F13A1: variants seen among roughly 807,000 people sequenced by gnomAD.
F13A1 encodes the protein coagulation factor XIII A chain.
A neutral mutation model predicts 80.1 loss-of-function variants in F13A1; 47 were observed. The ratio of observed to expected loss-of-function variants is 0.59; its 90% CI spans 0.46 to 0.75. The LOEUF (loss-of-function observed/expected upper bound fraction) is 0.75, where lower values mean the gene tolerates loss of function less well. F13A1 is among the 30% of genes least tolerant of loss of function. F13A1 has a pLI of 0.00. For synonymous variants in F13A1, 349 were observed against 344.9 expected, an observed-to-expected ratio of 1.01 and a Z score of -0.13; for missense variants, 817 against 930.4, an observed-to-expected ratio of 0.88 and a Z score of 1.59.
intron 13 of F13A1, among the ~76,000 whole-genome samples, chr6:6,165,766 C>T (rs1035162950): frequency 1.3e-5 from 2 of 152,226 alleles, no homozygotes; most frequent in African/African-American, 4.8e-5. Context: ...ATGATGGTAC[C>T]TCTGCAGCAA....
intron 10 of F13A1, among the ~76,000 whole-genome samples, chr6:6,188,844 A>T (rs1395483656): frequency 1.4e-5 from 1 of 70,922 alleles, no homozygotes; most frequent in Non-Finnish European, 2.4e-5. Flanking sequence ...CCCATTATTA[A>T]TGTGTGGGAA....
intron 6 of F13A1, among the ~76,000 whole-genome samples, chr6:6,241,586 T>C (rs1245588190): frequency 6.6e-6 from 1 of 152,196 alleles, no homozygotes; most frequent in African/African-American, 2.4e-5. Context: ...CCAAGGACAA[T>C]GCCCATTGAG....
chr6:6,295,253 T>C (rs1469929053), intron 3 of F13A1, among the ~76,000 whole-genome samples: 1 of 148,302 alleles, frequency 6.7e-6, no homozygotes, highest in Non-Finnish European at 1.5e-5. Flanking sequence ...CCTTTGGGTA[T>C]ATACCCAGTA....
chr6:6,207,876 G>A (rs573924078), intron 8 of F13A1, among the ~76,000 whole-genome samples: 117 of 152,246 alleles, frequency 7.7e-4, no homozygotes, highest in Non-Finnish European at 1.1e-3. Flanking sequence ...CTAAATAAAC[G>A]AGCAGCAGCA....
intron 6 of F13A1, among the ~76,000 whole-genome samples, chr6:6,237,017 G>A (rs1444820903): frequency 6.6e-6 from 1 of 152,138 alleles, no homozygotes; most frequent in Non-Finnish European, 1.5e-5. Context: ...AAGAAACTCA[G>A]TAGTTACGGT....
chr6:6,312,737 A>G (rs1199658839), intron 2 of F13A1, among the ~76,000 whole-genome samples: 1 of 69,272 alleles, frequency 1.4e-5, no homozygotes, highest in Non-Finnish European at 2.7e-5. Flanking sequence ...ACATTTCATA[A>G]AAAATAAAAT....
At chr6:6,216,180 A>G (rs951293919) in intron 8 of F13A1, among the ~76,000 whole-genome samples, 5 of 152,140 alleles carry the variant, frequency 3.3e-5, no homozygotes, top group African/African-American at 1.2e-4. Context: ...AAACTACCTG[A>G]AAGTTCATAT....
At chr6:6,161,478 A>C (rs958036805) in intron 13 of F13A1, among the ~76,000 whole-genome samples, 1 of 151,290 alleles carries the variant, frequency 6.6e-6, no homozygotes, top group South Asian at 2.1e-4. Flanking sequence ...CAGTATAATC[A>C]TAGTGTATTC....
intron 8 of F13A1, among the ~76,000 whole-genome samples, chr6:6,208,602 C>T (rs184661197): frequency 8.5e-5 from 13 of 152,292 alleles, no homozygotes; most frequent in African/African-American, 3.1e-4. Flanking sequence ...TTAGACACAT[C>T]ATATTCAAAC....
intron 3 of F13A1, among the ~76,000 whole-genome samples, chr6:6,301,375 T>C (rs1232963371): frequency 2.0e-5 from 3 of 152,208 alleles, no homozygotes; most frequent in Non-Finnish European, 2.9e-5. Flanking sequence ...TGGAATTTTG[T>C]CACTTGCCTT....
At chr6:6,167,363 C>CAA in intron 13 of F13A1, 95 bp downstream of exon 13, 1 of 887,548 alleles carries the variant, frequency 1.1e-6, no homozygotes, top group Non-Finnish European at 1.6e-6. Flanking sequence ...GACATTCATT[C>CAA]ACACACACAC....
At chr6:6,303,800 G>A (rs1758471163) in intron 3 of F13A1, among the ~76,000 whole-genome samples, 1 of 151,996 alleles carries the variant, frequency 6.6e-6, no homozygotes, top group African/African-American at 2.4e-5. Context: ...TGCGTGTTCA[G>A]GTTTTAGTCC....
intron 3 of F13A1, among the ~76,000 whole-genome samples, chr6:6,301,083 A>G (rs961933500): frequency 6.6e-6 from 1 of 152,156 alleles, no homozygotes; most frequent in Non-Finnish European, 1.5e-5. Context: ...TTCACGTTCT[A>G]TACTTGTCTC....
intron 10 of F13A1, among the ~76,000 whole-genome samples, chr6:6,184,085 G>A (rs11752520): frequency 6.6e-6 from 1 of 152,352 alleles, no homozygotes; most frequent in South Asian, 2.1e-4. Flanking sequence ...TTTCTACTAA[G>A]GGGGAGATAG....
intron 2 of F13A1, among the ~76,000 whole-genome samples, chr6:6,316,373 C>T (rs1758687111): frequency 6.6e-6 from 1 of 151,654 alleles, no homozygotes; most frequent in Non-Finnish European, 1.5e-5. Context: ...AGTCACTGGA[C>T]ATTCATATTC....
intron 3 of F13A1, among the ~76,000 whole-genome samples, chr6:6,293,788 A>G: frequency 3.1e-5 from 1 of 32,762 alleles, no homozygotes; most frequent in Non-Finnish European, 5.0e-5. Flanking sequence ...AGAGAGAGGG[A>G]GGGAGGGAGG....
At position 6,224,872 on chromosome 6, in the gene F13A1, C is replaced by G; in HGVS notation, c.799-12G>C. 1 of 1,613,878 alleles carries G rather than the reference C, an allele frequency of 6.2e-7. No individual in the cohort carries two copies. The highest frequency in any genetic ancestry group is 1.1e-5 in the South Asian group (1 of 91,070). ...TCTTTGGCATTCACCTAAATGAGTCCGTGAGAAGTGAGAAGGAAGAAAGTT... is the reference window on the plus strand; with the variant it reads ...TCTTTGGCATTCACCTAAATGAGTCGGTGAGAAGTGAGAAGGAAGAAAGTT... On this transcript the variant is annotated splice_polypyrimidine_tract_variant and intron_variant, in intron 6 of 14. Coordinates refer to ENST00000264870, the MANE Select transcript of F13A1 (RefSeq NM_000129.4).
intron 8 of F13A1, among the ~76,000 whole-genome samples, chr6:6,200,523 C>T (rs930070475): frequency 1.8e-4 from 27 of 149,570 alleles, no homozygotes; most frequent in African/African-American, 5.5e-4. Context: ...TGCACTCCAT[C>T]CTGGAAGACA....
Position 6,162,782 on chromosome 6 carries a change from G to A in F13A1, c.1908+4676C>T, listed in dbSNP as rs1430386265. On this transcript the variant is annotated intron_variant, in intron 13 of 14. Coordinates refer to ENST00000264870, the MANE Select transcript of F13A1 (RefSeq NM_000129.4). The surrounding 1 kb of genome is among the most constrained non-coding windows in gnomAD (Gnocchi z 4.2). The stretch of plus-strand genomic sequence containing the variant: ...TTGACTTACAGATGAGAATGCAGAA[G>A]CCAACAGAGGTGAAATGATCTGTCC... Among the ~76,000 whole-genome samples, 1 of 152,208 alleles carries A rather than the reference G, an allele frequency of 6.6e-6. No individual in the cohort carries two copies. The highest frequency in any genetic ancestry group is 2.4e-5 in the African/African-American group (1 of 41,444).
Sources: allele counts gnomAD v4.1 joint callset (sites outside exome capture counted in the v4.1 genomes callset), GRCh38; gene constraint gnomAD v4.1.1; non-coding constraint Gnocchi (gnomAD v3.1); transcripts MANE v1.5; gene names NCBI Gene and HGNC (gene_info 2026-07-23, HGNC 2026-07-21).